Variants in KCNMB3 observed in about 807,000 individuals in gnomAD.
KCNMB3 encodes the protein potassium calcium-activated channel subfamily M regulatory beta subunit 3, also known as calcium-activated potassium channel subunit beta-3.
Under a neutral mutation model 11.9 loss-of-function variants are expected in KCNMB3, and 18 were observed. The observed-to-expected ratio is 1.51, with a 90% CI of 1.04 to 2.23. The LOEUF (loss-of-function observed/expected upper bound fraction) is 2.23. KCNMB3 is among the 30% of genes most tolerant of loss of function. KCNMB3 has a pLI of 0.00. For synonymous variants in KCNMB3, 78 were observed against 119.2 expected (o/e 0.65, Z 2.25); for missense variants, 247 against 329.4 (o/e 0.75, Z 1.94).
intron 1 of KCNMB3, among the ~76,000 whole-genome samples, chr3:179,250,115 G>C (rs533126641): frequency 6.6e-6 from 1 of 152,224 alleles, no homozygotes; most frequent in South Asian, 2.1e-4. Context: ...TCATCATAAA[G>C]GTCCTCTCCC....
At chr3:179,249,332 A>T (rs1725754697) in intron 1 of KCNMB3, among the ~76,000 whole-genome samples, 1 of 150,400 alleles carries the variant, frequency 6.6e-6, no homozygotes, top group South Asian at 2.1e-4. Context: ...CTCTTAAAAA[A>T]ATAAATAAAT....
At chr3:179,259,713 CTCT>C (rs1276320887) in intron 1 of KCNMB3, 1 of 1,591,400 alleles carries the variant, frequency 6.3e-7, no homozygotes, top group Non-Finnish European at 8.5e-7. Context: ...GGATTTTTTC[CTCT>C]TCTTTTTCTT....
chr3:179,265,341 C>T (rs1002836076), intron 1 of KCNMB3, among the ~76,000 whole-genome samples: 5 of 152,110 alleles, frequency 3.3e-5, no homozygotes, highest in African/African-American at 1.2e-4. Context: ...ACATGATGAC[C>T]ATTACCATCT....
chr3:179,260,827 C>T (rs1726182631), intron 1 of KCNMB3: 2 of 1,288,694 alleles, frequency 1.6e-6, no homozygotes, highest in Non-Finnish European at 2.2e-6. Context: ...ATTCAGCCAG[C>T]TGTTCTTCAA....
At chr3:179,254,531 C>T (rs144367042), upstream of KCNMB3, among the ~76,000 whole-genome samples, 7 of 152,254 alleles carry the variant, frequency 4.6e-5, no homozygotes, top group East Asian at 1.4e-3. Context: ...ATTCTATAGG[C>T]CAGGCGCAAT....
chr3:179,258,179 C>G (rs74899169), intron 1 of KCNMB3, among the ~76,000 whole-genome samples: 1 of 152,170 alleles, frequency 6.6e-6, no homozygotes, highest in African/African-American at 2.4e-5. Context: ...AGCCACCACA[C>G]CCGGCCAAAA....
Position 179,250,774 on chromosome 3 carries a change from C to G in KCNMB3, c.217G>C (p.Gly73Arg). 3.7e-6 allele frequency: 6 copies of G among 1,614,092 alleles called. No homozygotes were observed. The highest frequency in any genetic ancestry group is 5.1e-6 in the Non-Finnish European group (6 of 1,180,022). Residue 73 changes from glycine (G) to arginine (R), a missense_variant, in exon 1 of 3, where the codon GGA (glycine) becomes CGA (arginine). By Grantham distance (125) the Gly-to-Arg change is moderately radical. Transcript: ENST00000392685. ...ATAAAAGGCTTTAGAATGGTTGTTC[C>G]GAGCAAGAAGAACATTAGGACTGAG... is the stretch of plus-strand genomic sequence containing the variant. ...GFSVLMFFLL[G>R]TTILKPFMLS...
chr3:179,256,052 T>C (rs1170979430), upstream of KCNMB3, among the ~76,000 whole-genome samples: 1 of 152,224 alleles, frequency 6.6e-6, no homozygotes, highest in Non-Finnish European at 1.5e-5. Flanking sequence ...GGTCAAGTAT[T>C]TACTCAAGGC....
At chr3:179,248,768 T>C (rs562533662) in intron 1 of KCNMB3, among the ~76,000 whole-genome samples, 1 of 151,988 alleles carries the variant, frequency 6.6e-6, no homozygotes, top group East Asian at 1.9e-4. Flanking sequence ...TAGCCTACTG[T>C]TGACTGGAAG....
chr3:179,261,847 GAACT>G (rs561435916), intron 1 of KCNMB3, among the ~76,000 whole-genome samples: 20 of 152,244 alleles, frequency 1.3e-4, no homozygotes, highest in South Asian at 4.1e-4. Context: ...TGTAAATGGA[GAACT>G]ATCTATATGC....
At chr3:179,251,652 C>A, upstream of KCNMB3, 3 of 1,243,762 alleles carry the variant, frequency 2.4e-6, no homozygotes, top group South Asian at 1.2e-4. Context: ...ACACAAAGGT[C>A]GCAAACCGGT....
intron 1 of KCNMB3, among the ~76,000 whole-genome samples, chr3:179,266,045 T>G (rs1255381573): frequency 6.6e-6 from 1 of 151,440 alleles, no homozygotes; most frequent in African/African-American, 2.4e-5. Flanking sequence ...AACAGTATAG[T>G]TTAGAGAGGA....
intron 1 of KCNMB3, chr3:179,259,877 T>C: frequency 1.2e-6 from 2 of 1,613,504 alleles, no homozygotes; most frequent in Non-Finnish European, 1.7e-6. Flanking sequence ...CAGTTCCTGC[T>C]GGAGAACCAG....
chr3:179,252,319 C>A (rs1270801245), upstream of KCNMB3, among the ~76,000 whole-genome samples: 1 of 152,164 alleles, frequency 6.6e-6, no homozygotes, highest in Non-Finnish European at 1.5e-5. Flanking sequence ...CAAACAAATG[C>A]AGCACTAATG....
chr3:179,259,871 T>G, intron 1 of KCNMB3: 2 of 1,613,346 alleles, frequency 1.2e-6, no homozygotes, highest in Non-Finnish European at 1.7e-6. Flanking sequence ...TGCTCTCAGT[T>G]CCTGCTGGAG....
chr3:179,262,294 G>C (rs998557535), intron 1 of KCNMB3, among the ~76,000 whole-genome samples: 1 of 152,186 alleles, frequency 6.6e-6, no homozygotes, highest in Non-Finnish European at 1.5e-5. Context: ...AACTGTGTCC[G>C]GAATTGGTGG....
chr3:179,260,355 G>T, intron 1 of KCNMB3: 1 of 1,613,998 alleles, frequency 6.2e-7, no homozygotes, highest in Admixed American at 1.7e-5. Flanking sequence ...GGTAGCACCT[G>T]CTAAGGTTCC....
rs2108457087 is a variant in KCNMB3 at position 179,261,131 on chromosome 3, T to C, written c.62+5518A>G. 3.0e-6 allele frequency: 4 copies of C among 1,323,976 alleles called. No homozygotes were observed. In the South Asian group the frequency reaches 3.8e-5, roughly 12 times the overall value. The allele number at this position is 1,323,976 out of a possible 1,614,324, so 82.0% of individuals were successfully genotyped here. On this transcript the variant is annotated intron_variant, in intron 1 of 3. Coordinates refer to the KCNMB3 transcript ENST00000349697. ...TGGTCTCTCTTCTACCTCCTTCTGC[T>C]GCCGCTCCAGCTCCTTCATGGGGAT...
chr3:179,252,117 T>A (rs1440415888), upstream of KCNMB3, among the ~76,000 whole-genome samples: 8 of 152,218 alleles, frequency 5.3e-5, no homozygotes, highest in East Asian at 1.4e-3. Context: ...TTGGAAATAA[T>A]CCCAAGATGC....
Sources: gnomAD v4.1 joint callset for allele counts (sites outside exome capture counted in the v4.1 genomes callset) on GRCh38, gnomAD v4.1.1 for gene constraint, MANE v1.5 for transcripts, NCBI Gene and HGNC (gene_info 2026-07-23, HGNC 2026-07-21) for gene names.